TSEN2: variants seen among roughly 807,000 people sequenced by gnomAD.
TSEN2 encodes tRNA splicing endonuclease subunit 2, also known as tRNA-splicing endonuclease subunit Sen2.
In TSEN2, 54 loss-of-function variants were observed where a neutral mutation model predicts 59.2. That is an observed-to-expected ratio of 0.91 (90% CI 0.73 to 1.14). The LOEUF is 1.14. Among genes scored for constraint, TSEN2 ranks in the 50% most tolerant of loss-of-function variants. TSEN2 has a pLI of 0.00. For missense variants in TSEN2, 636 were observed against 576.2 expected, an observed-to-expected ratio of 1.10 and a Z score of -1.06; for synonymous variants, 195 against 198.2, an observed-to-expected ratio of 0.98 and a Z score of 0.14.
chr3:12,487,221 C>G lies in TSEN2; in HGVS notation c.-18+2341C>G, dbSNP rs77058937. Among the ~76,000 whole-genome samples, 16 of 152,246 alleles carry G rather than the reference C, an allele frequency of 1.1e-4. 1 individual carries two copies. Among genetic ancestry groups the G allele is most frequent in the Admixed American group, 7.8e-4 (12 of 15,298 alleles). On this transcript the variant is annotated intron_variant, in intron 1 of 11. Coordinates refer to ENST00000284995, the MANE Select transcript of TSEN2 (RefSeq NM_025265.4). The stretch of plus-strand genomic sequence containing the variant: ...CTTTGCATGTCTGGAAGGCCTACTG[C>G]GAGCCAAATTCCTGAGGGGTGTGCA...
chr3:12,520,577 G>A (rs1460314619), intron 8 of TSEN2, among the ~76,000 whole-genome samples: 1 of 152,158 alleles, frequency 6.6e-6, no homozygotes, highest in African/African-American at 2.4e-5. Flanking sequence ...ATCGCTTGAG[G>A]TCAGGAGTTT....
rs2057271166 is a variant in TSEN2, at chr3:12,528,760, A to G, written c.1100-128A>G. ...GGCATATTGCAGATGATCTGTCTAC[A>G]TATAGATTATTGAGTATTTGCTTCC... On this transcript the variant is annotated intron_variant, in intron 8 of 11. Coordinates refer to ENST00000284995, the MANE Select transcript of TSEN2 (RefSeq NM_025265.4). 7.6e-6 allele frequency: 7 copies of G among 918,212 alleles called. No individual in the cohort carries two copies. In the Admixed American group the frequency reaches 8.2e-5, roughly 11 times the overall value. The allele number at this position is 918,212 out of a possible 1,614,324, so 56.9% of individuals were successfully genotyped here.
At position 12,516,441 on chromosome 3, in the gene TSEN2, AATAT is replaced by A. The variant is rs147950857; in HGVS notation, c.910-167_910-164del. ...CTCCGTTTCAAAAACAAACAAACAA[AATAT>A]ATGTGTGTGTGTGTGTGTGTGTGTG... is the stretch of plus-strand genomic sequence containing the variant. On this transcript the variant is annotated intron_variant, in intron 6 of 11. Coordinates refer to ENST00000284995, the MANE Select transcript of TSEN2 (RefSeq NM_025265.4). 0.096 allele frequency among the ~76,000 whole-genome samples: 5,357 copies of A among 55,930 alleles called. 189 individuals carry two copies. Among genetic ancestry groups the A allele is most frequent in the African/African-American group, 0.14 (3,129 of 21,890 alleles). The allele number at this position is 55,930 out of a possible 152,430, so 36.7% of individuals were successfully genotyped here. A position where few individuals can be genotyped will look rare whatever the true frequency, so the allele number is the denominator to read the frequency against.
In TSEN2 at chr3:12,490,248, A is replaced by AT. The variant is rs143173105; in HGVS notation, c.189+267dup. ...ATGAAGTAGGTTCAATGGATTGACTATTTTTTTTGTCTTTAGTTGTAAAAG... is the reference window on the plus strand; with the variant it reads ...ATGAAGTAGGTTCAATGGATTGACTATTTTTTTTTGTCTTTAGTTGTAAAAG... On this transcript the variant is annotated intron_variant, in intron 2 of 11. Coordinates refer to ENST00000284995, the MANE Select transcript of TSEN2 (RefSeq NM_025265.4). Among the ~76,000 whole-genome samples the AT allele has an allele frequency of 0.05, 7,611 of 152,100 alleles. 362 individuals are homozygous for AT. The highest frequency in any genetic ancestry group is 0.12 in the African/African-American group (5,025 of 41,480).
At chr3:12,508,975 C>T (rs2055133226) in intron 6 of TSEN2, among the ~76,000 whole-genome samples, 1 of 152,166 alleles carries the variant, frequency 6.6e-6, no homozygotes, top group Non-Finnish European at 1.5e-5. Context: ...ATCCCACCAC[C>T]TTAGCCTCCT....
At chr3:12,531,809 C>G in intron 11 of TSEN2, 150 bp downstream of exon 11, 1 of 656,184 alleles carries the variant, frequency 1.5e-6, no homozygotes, top group Admixed American at 2.4e-5. Context: ...TCACCTTTTC[C>G]CCATTGAACC....
chr3:12,517,128 A>G (rs1346102887), intron 7 of TSEN2, among the ~76,000 whole-genome samples: 1 of 152,184 alleles, frequency 6.6e-6, no homozygotes, highest in Non-Finnish European at 1.5e-5. Flanking sequence ...CGGGCAGATC[A>G]CAAGGTCAGG....
intron 8 of TSEN2, among the ~76,000 whole-genome samples, chr3:12,525,514 C>T (rs1343311404): frequency 2.0e-5 from 3 of 151,900 alleles, no homozygotes; most frequent in African/African-American, 7.3e-5. Flanking sequence ...AAAGAGTTTT[C>T]CTTTTATACT....
At chr3:12,532,317 T>A (rs529374041) in intron 11 of TSEN2, among the ~76,000 whole-genome samples, 1 of 152,320 alleles carries the variant, frequency 6.6e-6, no homozygotes, top group South Asian at 2.1e-4. Flanking sequence ...CATTTCTCCC[T>A]TCTCAGTAGC....
chr3:12,515,495 C>A (rs1242499869), intron 6 of TSEN2, among the ~76,000 whole-genome samples: 4 of 152,182 alleles, frequency 2.6e-5, no homozygotes, highest in East Asian at 3.8e-4. Flanking sequence ...AGAAATGTGA[C>A]CCCATTTTAC....
downstream of TSEN2, among the ~76,000 whole-genome samples, chr3:12,535,781 C>T (rs1166890205): frequency 3.9e-5 from 6 of 152,178 alleles, no homozygotes; most frequent in Non-Finnish European, 8.8e-5. Flanking sequence ...ATCTGCCTGC[C>T]TCGGCCTCCC....
At chr3:12,517,692 A>G (rs2056275142) in intron 7 of TSEN2, among the ~76,000 whole-genome samples, 1 of 152,228 alleles carries the variant, frequency 6.6e-6, no homozygotes, top group African/African-American at 2.4e-5. Flanking sequence ...GCCGTTTGGA[A>G]GCAATGTCTG....
chr3:12,503,257 T>C lies in TSEN2; in HGVS notation c.309-5T>C, dbSNP rs2054481617. The C allele has an allele frequency of 6.2e-7, 1 of 1,614,082 alleles. No homozygotes were observed. The highest frequency in any genetic ancestry group is 1.3e-5 in the African/African-American group (1 of 74,936). ...GCTGTTTCTAACAGTATTTCTGTCT[T>C]GCAGGTATCAGCATAGTGTTGAGTG... On this transcript the variant is annotated splice_region_variant and splice_polypyrimidine_tract_variant and intron_variant, in intron 4 of 11. Coordinates refer to ENST00000284995, the MANE Select transcript of TSEN2 (RefSeq NM_025265.4).
Position 12,518,260 on chromosome 3 carries a change from GGTTT to G in TSEN2, c.961-786_961-783del, listed in dbSNP as rs1381262265. 7.2e-5 allele frequency among the ~76,000 whole-genome samples: 11 copies of G among 152,248 alleles called. No homozygotes were observed. In the East Asian group the frequency reaches 9.6e-4, roughly 13 times the overall value. On this transcript the variant is annotated intron_variant, in intron 7 of 11. Coordinates refer to ENST00000284995, the MANE Select transcript of TSEN2 (RefSeq NM_025265.4). ...TCTCTAGTTTCAAACACTAAATGGA[GGTTT>G]GTTTGTTTGTTTTTAAGTTTTACTA...
At chr3:12,495,937 C>T (rs535028406) in intron 3 of TSEN2, among the ~76,000 whole-genome samples, 2 of 152,330 alleles carry the variant, frequency 1.3e-5, no homozygotes, top group East Asian at 3.9e-4. Flanking sequence ...CCTAGGGATT[C>T]AGAAACAGCA....
intron 8 of TSEN2, among the ~76,000 whole-genome samples, chr3:12,520,852 CAG>C (rs1293249130): frequency 9.9e-5 from 15 of 152,154 alleles, no homozygotes; most frequent in African/African-American, 1.4e-4. Flanking sequence ...ATTCATGTGA[CAG>C]GGGTTTGTTG....
intron 10 of TSEN2, chr3:12,539,137 CT>C (rs577901176): frequency 0.11 from 36,126 of 339,866 alleles, 1,144 homozygotes; most frequent in African/African-American, 0.13. Context: ...GTGCTTTTTT[CT>C]TTTTTTTTTT....
intron 6 of TSEN2, among the ~76,000 whole-genome samples, chr3:12,511,603 G>C (rs1180740163): frequency 1.4e-5 from 2 of 143,564 alleles, no homozygotes; most frequent in Non-Finnish European, 3.0e-5. Context: ...GTCTCTCTCT[G>C]TCACCTAAGC....
chr3:12,519,727 A>G (rs1244762119), intron 8 of TSEN2, among the ~76,000 whole-genome samples: 4 of 152,084 alleles, frequency 2.6e-5, no homozygotes, highest in African/African-American at 9.7e-5. Flanking sequence ...CCTGGACGAC[A>G]GGGCAAGACT....
Sources: gnomAD v4.1 joint callset for allele counts (sites outside exome capture counted in the v4.1 genomes callset) on GRCh38, gnomAD v4.1.1 for gene constraint, MANE v1.5 for transcripts, NCBI Gene and HGNC (gene_info 2026-07-23, HGNC 2026-07-21) for gene names.